Variants in MECOM observed in about 807,000 individuals in gnomAD.
MECOM encodes the protein histone-lysine N-methyltransferase MECOM.
Under a neutral mutation model 116.3 loss-of-function variants are expected in MECOM, and 13 were observed. The ratio of observed to expected loss-of-function variants is 0.11; its 90% CI spans 0.07 to 0.18. MECOM has a LOEUF of 0.18. Among genes scored for constraint, MECOM ranks in the 10% least tolerant of loss-of-function variants. The probability of loss-of-function intolerance (pLI) is 1.00; values close to 1 mark genes in which losing one functional copy is unlikely to be tolerated. For synonymous variants in MECOM, 528 were observed against 535.2 expected (o/e 0.99, Z 0.19); for missense variants, 1,299 against 1,509.0 (o/e 0.86, Z 2.31).
At chr3:169,353,039 C>T (rs893717413) in intron 2 of MECOM, among the ~76,000 whole-genome samples, 3 of 151,830 alleles carry the variant, frequency 2.0e-5, no homozygotes, top group Admixed American at 1.3e-4. Flanking sequence ...ATTTATCCCA[C>T]GAGGCTACAA....
chr3:169,255,581 G>C (rs1577483235), intron 2 of MECOM, among the ~76,000 whole-genome samples: 1 of 152,206 alleles, frequency 6.6e-6, no homozygotes, highest in East Asian at 1.9e-4. Context: ...TAAGTAAGAT[G>C]CTATTTTAGA....
chr3:169,433,076 A>T (rs929243438), intron 1 of MECOM, among the ~76,000 whole-genome samples: 1 of 152,218 alleles, frequency 6.6e-6, no homozygotes. Flanking sequence ...TAAGATATAA[A>T]AGTTTATAGA....
At chr3:169,368,323 C>T (rs938451386) in intron 2 of MECOM, among the ~76,000 whole-genome samples, 4 of 151,978 alleles carry the variant, frequency 2.6e-5, no homozygotes, top group Non-Finnish European at 5.9e-5. Flanking sequence ...TTTTAAAAAT[C>T]ACTACCTTGG....
intron 1 of MECOM, among the ~76,000 whole-genome samples, chr3:169,649,361 A>G (rs577907973): frequency 1.5e-5 from 2 of 131,004 alleles, no homozygotes; most frequent in East Asian, 5.0e-4. Context: ...GTGAGCCAAG[A>G]TCACGCCATT....
intron 1 of MECOM, among the ~76,000 whole-genome samples, chr3:169,524,039 A>ATATATATAT (rs1757688646): frequency 1.4e-5 from 2 of 138,240 alleles, no homozygotes; most frequent in African/African-American, 5.3e-5. Context: ...TATATGAATA[A>ATATATATAT]ATATATATAT....
intron 1 of MECOM, among the ~76,000 whole-genome samples, chr3:169,608,283 T>C (rs567352055): frequency 2.0e-4 from 30 of 152,320 alleles, no homozygotes; most frequent in African/African-American, 7.2e-4. Context: ...TGTCCCTCCA[T>C]GGGTTTCCTT....
intron 1 of MECOM, among the ~76,000 whole-genome samples, chr3:169,522,587 G>A (rs1019483111): frequency 3.3e-5 from 5 of 152,132 alleles, no homozygotes; most frequent in Admixed American, 1.3e-4. Flanking sequence ...ACTCAGCCAC[G>A]ACCAGGTGAT....
chr3:169,106,826 G>C (rs771406909), intron 10 of MECOM, among the ~76,000 whole-genome samples: 5 of 152,088 alleles, frequency 3.3e-5, no homozygotes, highest in Non-Finnish European at 5.9e-5. Context: ...AAGAATACTG[G>C]AAATGTAGGC....
At chr3:169,540,582 C>A (rs1318765678) in intron 1 of MECOM, among the ~76,000 whole-genome samples, 1 of 152,170 alleles carries the variant, frequency 6.6e-6, no homozygotes, top group African/African-American at 2.4e-5. Flanking sequence ...GCCTATCTCT[C>A]CTCTTTTTTT....
At chr3:169,102,961 A>C (rs901910922) in intron 10 of MECOM, among the ~76,000 whole-genome samples, 4 of 151,660 alleles carry the variant, frequency 2.6e-5, no homozygotes, top group African/African-American at 9.7e-5. Context: ...TTATGTAACC[A>C]CACTTTTCGA....
chr3:169,451,628 G>T (rs1745615656), intron 1 of MECOM, among the ~76,000 whole-genome samples: 1 of 152,004 alleles, frequency 6.6e-6, no homozygotes, highest in South Asian at 2.1e-4. Flanking sequence ...AAATATTCTA[G>T]GTCTCAATGA....
At chr3:169,625,343 T>TA (rs1169367154) in intron 1 of MECOM, among the ~76,000 whole-genome samples, 1 of 152,220 alleles carries the variant, frequency 6.6e-6, no homozygotes, top group Admixed American at 6.5e-5. Context: ...ATCACCTATT[T>TA]AGCTCCCTCT....
intron 1 of MECOM, among the ~76,000 whole-genome samples, chr3:169,554,589 G>A (rs1761814609): frequency 6.6e-6 from 1 of 152,178 alleles, no homozygotes. Flanking sequence ...GCACATCACA[G>A]ATGAAAGTTA....
intron 2 of MECOM, among the ~76,000 whole-genome samples, chr3:169,273,835 T>C (rs1023430019): frequency 4.6e-5 from 7 of 151,574 alleles, no homozygotes; most frequent in African/African-American, 1.7e-4. Flanking sequence ...TGTGCTATCA[T>C]GGCTGTGTGG....
At chr3:169,239,075 T>C (rs949142147) in intron 2 of MECOM, among the ~76,000 whole-genome samples, 1 of 152,166 alleles carries the variant, frequency 6.6e-6, no homozygotes, top group Admixed American at 6.5e-5. Flanking sequence ...CTTAAAGATA[T>C]GTTACATGTG....
At chr3:169,445,135 T>G (rs1183490521) in intron 1 of MECOM, among the ~76,000 whole-genome samples, 1 of 152,166 alleles carries the variant, frequency 6.6e-6, no homozygotes, top group African/African-American at 2.4e-5. Context: ...AAAACCCATT[T>G]TTTGAGGAGA....
At chr3:169,146,706 G>C in intron 2 of MECOM, 1 of 1,257,672 alleles carries the variant, frequency 8.0e-7, no homozygotes. Flanking sequence ...TCCTTTTAAA[G>C]TGAGGAGTTC....
chr3:169,231,460 G>A (rs1047729640), intron 2 of MECOM, among the ~76,000 whole-genome samples: 1 of 152,086 alleles, frequency 6.6e-6, no homozygotes. Context: ...ACAACCTATG[G>A]TGAGTGAGAT....
At chr3:169,564,604 A>T (rs1226121353) in intron 1 of MECOM, among the ~76,000 whole-genome samples, 2 of 152,200 alleles carry the variant, frequency 1.3e-5, no homozygotes, top group Non-Finnish European at 2.9e-5. Flanking sequence ...CCCAAAAAAT[A>T]CTTTAGCAAG....
Sources: allele counts gnomAD v4.1 joint callset (sites outside exome capture counted in the v4.1 genomes callset), GRCh38; gene constraint gnomAD v4.1.1; transcripts MANE v1.5; gene names NCBI Gene and HGNC (gene_info 2026-07-23, HGNC 2026-07-21).